Variants in CROCC observed in about 807,000 individuals in gnomAD.
CROCC encodes rootletin.
Under a neutral mutation model 245.2 loss-of-function variants are expected in CROCC, and 180 were observed. That is an observed-to-expected ratio of 0.73 (90% CI 0.65 to 0.83). CROCC has a LOEUF of 0.83. Among genes scored for constraint, CROCC ranks in the 40% least tolerant of loss-of-function variants. The pLI is 0.00. For synonymous variants in CROCC, 1,205 were observed against 1,241.6 expected (o/e 0.97, Z 0.62); for missense variants, 2,688 against 2,779.4 (o/e 0.97, Z 0.74).
intron 14 of CROCC, 85 bp from the exon 15 acceptor site, chr1:16,945,377 G>T: frequency 6.3e-7 from 1 of 1,581,092 alleles, no homozygotes; most frequent in African/African-American, 1.3e-5. Context: ...CCTCAGGCCT[G>T]GTCCCCAGCC....
chr1:16,938,902 C>G lies in CROCC; in HGVS notation c.1375-7C>G. ...AGCCTCCTTCTGCCTCCCTCCCCCA[C>G]CCTCAGGCCGTCTTGTCAGACTCTG... On this transcript the variant is annotated splice_region_variant and splice_polypyrimidine_tract_variant and intron_variant, in intron 11 of 36. Transcript: ENST00000375541. The G allele has an allele frequency of 6.2e-7, 1 of 1,604,710 alleles. No individual in the cohort carries two copies. Among genetic ancestry groups the G allele is most frequent in the Non-Finnish European group, 8.5e-7 (1 of 1,177,262 alleles).
At chr1:16,933,554 T>G (rs1312178588) in intron 8 of CROCC, among the ~76,000 whole-genome samples, 2 of 152,262 alleles carry the variant, frequency 1.3e-5, no homozygotes, top group Non-Finnish European at 2.9e-5. Flanking sequence ...AAAACGTAAA[T>G]GTTTGCTTTG....
intron 1 of CROCC, among the ~76,000 whole-genome samples, chr1:16,915,343 T>C (rs1247849242): frequency 1.3e-5 from 2 of 152,286 alleles, no homozygotes; most frequent in Non-Finnish European, 2.9e-5. Flanking sequence ...CAGCTCTTCA[T>C]GGAGCTTTGG....
rs746904399 is a variant in CROCC at position 16,946,877 on chromosome 1, G to C, written c.2400G>C (p.Ala800=). 11 of 1,560,878 alleles carry C rather than the reference G, an allele frequency of 7.0e-6. No individual in the cohort carries two copies. The East Asian group carries it at 9.5e-5, about 14-fold the overall frequency. The change falls in exon 17 of 37, where the codon GCG becomes GCC. Residue 800 remains alanine (A), a synonymous_variant. Coordinates refer to ENST00000375541, the MANE Select transcript of CROCC (RefSeq NM_014675.5). ...LEELRLEQEV[A]RQGLEGSLRV... ...AGCTGCGGTTGGAGCAGGAGGTGGC[G>C]CGGCAGGGCCTGGAGGGCTCCCTAC... is the stretch of plus-strand genomic sequence containing the variant.
chr1:16,950,253 A>G (rs1190486602), intron 19 of CROCC, among the ~76,000 whole-genome samples: 2 of 150,652 alleles, frequency 1.3e-5, no homozygotes, highest in African/African-American at 4.9e-5. Context: ...TGGTATAGAC[A>G]GGGTTTCGCT....
upstream of CROCC, chr1:16,921,930 C>A: frequency 7.5e-7 from 1 of 1,342,260 alleles, no homozygotes; most frequent in Non-Finnish European, 1.0e-6. Context: ...TGGTGCTCAG[C>A]ACAGCATCCT....
chr1:16,959,048 A>C (rs2076290646), intron 26 of CROCC, among the ~76,000 whole-genome samples: 1 of 152,086 alleles, frequency 6.6e-6, no homozygotes, highest in African/African-American at 2.4e-5. Flanking sequence ...TTTGAAATGG[A>C]GTCTCACTCT....
chr1:16,959,439 C>T (rs1293215131), intron 26 of CROCC, among the ~76,000 whole-genome samples: 1 of 152,238 alleles, frequency 6.6e-6, no homozygotes, highest in East Asian at 1.9e-4. Context: ...TCTGCCTTTT[C>T]CGGCTGTTTC....
chr1:16,929,888 C>T lies in CROCC; in HGVS notation c.394C>T (p.Gln132Ter), dbSNP rs2075625643. The T allele has an allele frequency of 6.3e-7, 1 of 1,585,366 alleles. No individual in the cohort carries two copies. The highest frequency in any genetic ancestry group is 8.6e-7 in the Non-Finnish European group (1 of 1,169,466). Reference sequence around the variant, plus strand: ...GCTGGAGCCTGGGGAGCTGGAGACGCAGGAGCCCAGGGGGCTGGTACGGCA... The same window carrying T: ...GCTGGAGCCTGGGGAGCTGGAGACGTAGGAGCCCAGGGGGCTGGTACGGCA... ...LRLEPGELET[Q>*]EPRGLVRQSV... Residue 132 changes from glutamine (Q) to a stop codon, truncating the protein, a stop_gained, in exon 4 of 37, where the codon CAG becomes TAG. Transcript: ENST00000375541. LOFTEE classifies it high-confidence loss of function.
chr1:16,948,234 T>C, intron 17 of CROCC, 97 bp from the exon 18 acceptor site: 1 of 1,441,514 alleles, frequency 6.9e-7, no homozygotes, highest in Non-Finnish European at 9.1e-7. Context: ...AACCCAGGCC[T>C]TCTGCCAGGA....
chr1:16,968,239 C>A lies in CROCC; in HGVS notation c.4897C>A (p.Leu1633Met). ...ISKMKANETK[L>M]EGDKRRLKEV... ...CAAGATGAAGGCCAATGAGACAAAG[C>A]TGGAGGGCGACAAGCGGCGCCTGAA... Residue 1633 changes from leucine (L) to methionine (M), a missense_variant, in exon 31 of 37, where the codon CTG becomes ATG. By Grantham distance (15) the Leu-to-Met change is conservative. Transcript: ENST00000375541. 6.4e-7 allele frequency: 1 copy of A among 1,568,330 alleles called. No homozygotes were observed. Among genetic ancestry groups the A allele is most frequent in the Non-Finnish European group, 8.6e-7 (1 of 1,158,032 alleles).
chr1:16,938,766 G>T (rs1449331820), intron 11 of CROCC, 143 bp from the exon 12 acceptor site: 3 of 864,214 alleles, frequency 3.5e-6, no homozygotes, highest in Non-Finnish European at 5.5e-6. Flanking sequence ...TGAGCTAGTG[G>T]AGGAGGTGAA....
rs990297844 is a variant in CROCC, at chr1:16,966,494, C to A, written c.4783C>A (p.Arg1595Ser). Residue 1595 changes from arginine to serine, a missense_variant, in exon 30 of 37, where the codon CGC (arginine) becomes AGC (serine). Coordinates refer to ENST00000375541, the MANE Select transcript of CROCC (RefSeq NM_014675.5). This position sits in a 1 kb window ranked among gnomAD's most constrained non-coding sequence, Gnocchi z 4.8. ...EESVRRSERE[R>S]RATLDQVATL... ...GAGTGTGCGGCGCAGTGAGCGGGAG[C>A]GCCGGGCCACGCTGGACCAGGTGGC... 9 of 1,532,168 alleles carry A rather than the reference C, an allele frequency of 5.9e-6. No individual in the cohort carries two copies. In the East Asian group the frequency reaches 2.2e-4, roughly 38 times the overall value. 94.9% of individuals were successfully genotyped at this position (1,532,168 alleles called of 1,614,324 possible). A position where few individuals can be genotyped will look rare whatever the true frequency, so the allele number is the denominator to read the frequency against.
intron 14 of CROCC, among the ~76,000 whole-genome samples, chr1:16,944,911 C>A (rs1431220277): frequency 6.6e-6 from 1 of 152,268 alleles, no homozygotes; most frequent in Non-Finnish European, 1.5e-5. Flanking sequence ...ATGTGTCAGG[C>A]ACTATTTTAA....
chr1:16,956,728 T>TA (rs201462104), intron 25 of CROCC, among the ~76,000 whole-genome samples: 2,075 of 140,946 alleles, frequency 0.015, 46 homozygotes, highest in African/African-American at 0.049. Flanking sequence ...TTTAAAAATG[T>TA]AAAAAAAAAA....
chr1:16,930,003 C>A lies in CROCC; in HGVS notation c.509C>A (p.Ala170Asp). 6.3e-7 allele frequency: 1 copy of A among 1,582,268 alleles called. No individual in the cohort carries two copies. The change falls in exon 4 of 37, where the codon GCC becomes GAC. Residue 170 changes from alanine (A) to aspartate (D), a missense_variant. Transcript: ENST00000375541. ...TACCAGGAGGGCCAGCAGCGGCAGGCCCAGCTTGTGCAGCGGCTGCAGGGC... is the reference window on the plus strand; with the variant it reads ...TACCAGGAGGGCCAGCAGCGGCAGGACCAGCTTGTGCAGCGGCTGCAGGGC... Reference protein sequence around the residue: ...QAYQEGQQRQAQLVQRLQGKI... With the variant: ...QAYQEGQQRQDQLVQRLQGKI...
At chr1:16,919,950 G>C (rs1208382530), upstream of CROCC, among the ~76,000 whole-genome samples, 4 of 152,218 alleles carry the variant, frequency 2.6e-5, no homozygotes, top group African/African-American at 9.6e-5. Context: ...GGAGTGCTGT[G>C]GCACAATCTC....
rs755410660 is a variant in CROCC at position 16,946,842 on chromosome 1, C to T, written c.2365C>T (p.Arg789Trp). Residue 789 changes from arginine to tryptophan, a missense_variant, in exon 17 of 37, where the codon CGG becomes TGG. Physicochemically the swap from Arg to Trp is moderately radical, Grantham distance 101. Around this residue, in one of 9 missense-constraint regions of CROCC, gnomAD observed 295 missense variants for 241.7 expected, o/e 1.22. Transcript: ENST00000375541. ...EATVAREEQE[R>W]LEELRLEQEV... ...CACAGTGGCGCGGGAAGAGCAGGAA[C>T]GGCTAGAGGAGCTGCGGTTGGAGCA... 459 of 1,554,258 alleles carry T rather than the reference C, an allele frequency of 3.0e-4. No homozygotes were observed. The highest frequency in any genetic ancestry group is 3.5e-4 in the Admixed American group (18 of 51,176).
rs768297948 is a variant in CROCC, at chr1:16,948,476, C to T, written c.2660C>T (p.Ala887Val). Residue 887 changes from alanine to valine, a missense_variant, in exon 18 of 37, where the codon GCT (alanine) becomes GTT (valine). Physicochemically the swap from Ala to Val is moderately conservative, Grantham distance 64. This residue lies in a region of CROCC where 295 missense variants were observed against 241.7 expected (regional missense o/e 1.22). Coordinates refer to ENST00000375541, the MANE Select transcript of CROCC (RefSeq NM_014675.5). Reference protein sequence around the residue: ...EHAGLAVQLVAAEREGRTLSE... With the variant: ...EHAGLAVQLVVAEREGRTLSE... ...GCTGGCCTGGCTGTGCAGCTGGTGGCTGCGGAGCGTGAAGGCAGGACCCTG... is the reference window on the plus strand; with the variant it reads ...GCTGGCCTGGCTGTGCAGCTGGTGGTTGCGGAGCGTGAAGGCAGGACCCTG... The T allele has an allele frequency of 2.6e-6, 4 of 1,555,908 alleles. No homozygotes were observed. The South Asian group carries it at 4.7e-5, about 18-fold the overall frequency.
Sources: allele counts gnomAD v4.1 joint callset (sites outside exome capture counted in the v4.1 genomes callset), GRCh38; gene constraint gnomAD v4.1.1; regional missense constraint gnomAD v4.1.1; non-coding constraint Gnocchi (gnomAD v3.1); transcripts MANE v1.5; gene names NCBI Gene and HGNC (gene_info 2026-07-23, HGNC 2026-07-21).